Variants in MAP3K21 observed in about 807,000 individuals in gnomAD.
MAP3K21 encodes the protein mitogen-activated protein kinase kinase kinase MLK4.
A neutral mutation model predicts 86.1 loss-of-function variants in MAP3K21; 63 were observed. The observed-to-expected ratio is 0.73, with a 90% CI of 0.60 to 0.90. MAP3K21 has a LOEUF of 0.90. MAP3K21 is among the 40% of genes least tolerant of loss of function. The pLI is 0.00. For missense variants in MAP3K21, 1,220 were observed against 1,367.7 expected (o/e 0.89, Z 1.70); for synonymous variants, 558 against 564.8 (o/e 0.99, Z 0.17).
In MAP3K21 at chr1:233,354,906, A is replaced by G; in HGVS notation, c.1206A>G (p.Glu402=). The stretch of plus-strand genomic sequence containing the variant: ...TTCTCGAACAGTTGACTGCTATTGA[A>G]GGGGCAGTGATGACTGAGATGCCTC... The part of the protein sequence containing the change: ...ALILEQLTAI[E]GAVMTEMPQE... Residue 402 remains glutamate, a synonymous_variant, in exon 4 of 10, where the codon GAA becomes GAG. Transcript: ENST00000366624. 1 of 1,613,924 alleles carries G rather than the reference A, an allele frequency of 6.2e-7. No individual in the cohort carries two copies. The highest frequency in any genetic ancestry group is 8.5e-7 in the Non-Finnish European group (1 of 1,179,812).
chr1:233,328,062 A>T lies in MAP3K21; in HGVS notation c.34A>T (p.Thr12Ser). Residue 12 changes from threonine to serine, a missense_variant, in exon 1 of 10, where the codon ACC (threonine) becomes TCC (serine). This residue lies in a region of MAP3K21 where 369 missense variants were observed against 385.3 expected (regional missense o/e 0.96). Coordinates refer to ENST00000366624, the MANE Select transcript of MAP3K21 (RefSeq NM_032435.3). This position sits in a 1 kb window ranked among gnomAD's most constrained non-coding sequence, Gnocchi z 8.7. The stretch of plus-strand genomic sequence containing the variant: ...GCGGGGCGCCGCGGGAGCGACCGAC[A>T]CCCCGGTGTCCTCGGCCGGGGGAGC... Reference protein sequence around the residue: ...ALRGAAGATDTPVSSAGGAPG... With the variant: ...ALRGAAGATDSPVSSAGGAPG... The T allele has an allele frequency of 1.5e-6, 2 of 1,330,918 alleles. No individual in the cohort carries two copies. The highest frequency in any genetic ancestry group is 1.9e-6 in the Non-Finnish European group (2 of 1,047,428). The allele number at this position is 1,330,918 out of a possible 1,614,324, so 82.4% of individuals were successfully genotyped here. A position where few individuals can be genotyped will look rare whatever the true frequency, so the allele number is the denominator to read the frequency against.
intron 1 of MAP3K21, among the ~76,000 whole-genome samples, chr1:233,339,249 CTTCTTCTTCTTCTTCTTCCTCT>C (rs1558450762): frequency 8.0e-5 from 6 of 75,124 alleles, no homozygotes; most frequent in Admixed American, 1.6e-4. Flanking sequence ...TCTTCTTCTT[CTTCTTCTTCTTCTTCTTCCTCT>C]TCTTCTTCTT....
intron 4 of MAP3K21, among the ~76,000 whole-genome samples, chr1:233,358,144 T>C (rs944984874): frequency 1.3e-5 from 2 of 151,986 alleles, no homozygotes; most frequent in East Asian, 3.9e-4. Flanking sequence ...CTCCTCATCA[T>C]TGGAGCCATC....
intron 2 of MAP3K21, among the ~76,000 whole-genome samples, chr1:233,349,605 G>C (rs1301781529): frequency 6.6e-6 from 1 of 152,078 alleles, no homozygotes; most frequent in Non-Finnish European, 1.5e-5. Context: ...TCTCAAAATT[G>C]ATTTATTTAC....
At chr1:233,362,948 T>C (rs542811772) in intron 5 of MAP3K21, among the ~76,000 whole-genome samples, 1 of 152,316 alleles carries the variant, frequency 6.6e-6, no homozygotes, top group Non-Finnish European at 1.5e-5. Context: ...ATATAGATAT[T>C]ATTGACTGAT....
chr1:233,372,280 G>A (rs950147894), intron 6 of MAP3K21, 120 bp downstream of exon 6: 149 of 1,121,668 alleles, frequency 1.3e-4, no homozygotes, highest in Non-Finnish European at 1.6e-4. Context: ...AGGACATTTC[G>A]TAGGTGCCAC....
rs892226640 is a variant in MAP3K21, at chr1:233,383,936, T to G, written c.*1225T>G. ...AATTATCTATGAATCACTTTTATGG[T>G]CATACATATATGATACAAATCCAGA... On this transcript the variant is annotated 3_prime_UTR_variant, in exon 10 of 10. Coordinates refer to ENST00000366624, the MANE Select transcript of MAP3K21 (RefSeq NM_032435.3). The G allele has an allele frequency of 4.6e-5, 7 of 152,298 alleles. No homozygotes were observed. The highest frequency in any genetic ancestry group is 1.7e-4 in the African/African-American group (7 of 41,568). The allele number at this position is 152,298 out of a possible 1,614,324, so 9.4% of individuals were successfully genotyped here.
At chr1:233,362,728 ATTG>A (rs1171159537) in intron 5 of MAP3K21, among the ~76,000 whole-genome samples, 5 of 152,092 alleles carry the variant, frequency 3.3e-5, no homozygotes, top group African/African-American at 1.2e-4. Flanking sequence ...GGACACTGAT[ATTG>A]TTGTCAGCAC....
chr1:233,376,203 G>T (rs1663793519), intron 7 of MAP3K21, 137 bp downstream of exon 7: 2 of 792,392 alleles, frequency 2.5e-6, no homozygotes, highest in Non-Finnish European at 4.0e-6. Flanking sequence ...TTTCTAGGAT[G>T]AATTTATCAT....
Position 233,382,763 on chromosome 1 carries a change from A to T in MAP3K21, c.*52A>T. ...ATTTTTTTAAGGTGAACAAATGAAC[A>T]CAATGTATCTACCTTTGAACTGTTT... is the stretch of plus-strand genomic sequence containing the variant. On this transcript the variant is annotated 3_prime_UTR_variant, in exon 10 of 10. Coordinates refer to ENST00000366624, the MANE Select transcript of MAP3K21 (RefSeq NM_032435.3). 6.8e-7 allele frequency: 1 copy of T among 1,475,328 alleles called. No homozygotes were observed. The highest frequency in any genetic ancestry group is 9.4e-7 in the Non-Finnish European group (1 of 1,068,258). The allele number at this position is 1,475,328 out of a possible 1,614,324, so 91.4% of individuals were successfully genotyped here.
intron 1 of MAP3K21, among the ~76,000 whole-genome samples, chr1:233,341,725 T>C (rs1381241600): frequency 6.6e-5 from 10 of 152,202 alleles, no homozygotes; most frequent in Admixed American, 1.3e-4. Context: ...CAGCCCTTAC[T>C]TGGGGTCTGG....
At chr1:233,358,988 T>C (rs1441784914) in intron 4 of MAP3K21, among the ~76,000 whole-genome samples, 2 of 151,998 alleles carry the variant, frequency 1.3e-5, no homozygotes, top group Non-Finnish European at 2.9e-5. Context: ...TTTTTTTGTA[T>C]TTTTAGTAGA....
intron 1 of MAP3K21, among the ~76,000 whole-genome samples, chr1:233,329,401 C>G (rs995484852): frequency 1.3e-5 from 2 of 152,208 alleles, no homozygotes; most frequent in Admixed American, 1.3e-4. Context: ...TACCTGTAAT[C>G]CCAGCACTTT....
chr1:233,330,893 A>G (rs939810199), intron 1 of MAP3K21, among the ~76,000 whole-genome samples: 3 of 152,244 alleles, frequency 2.0e-5, no homozygotes, highest in African/African-American at 4.8e-5. Flanking sequence ...CATAGGATTT[A>G]TGGATCAATC....
At chr1:233,372,256 T>C in intron 6 of MAP3K21, 96 bp downstream of exon 6, 1 of 1,467,484 alleles carries the variant, frequency 6.8e-7, no homozygotes, top group Non-Finnish European at 9.4e-7. Flanking sequence ...TCATAGCAGG[T>C]TGTAGATGAG....
rs144712050 is a variant in MAP3K21, at chr1:233,335,587, A to C, written c.805+6754A>C. ...TGACTTGATCAAAGTCATTCAACCCATCAGAGGGGAGTGCTAAGAATTAAA... is the reference window on the plus strand; with the variant it reads ...TGACTTGATCAAAGTCATTCAACCCCTCAGAGGGGAGTGCTAAGAATTAAA... On this transcript the variant is annotated intron_variant, in intron 1 of 9. Transcript: ENST00000366624. Among the ~76,000 whole-genome samples, 578 of 152,158 alleles carry C rather than the reference A, an allele frequency of 3.8e-3. 3 individuals are homozygous for C. The highest frequency in any genetic ancestry group is 0.012 in the African/African-American group (513 of 41,516).
chr1:233,340,466 G>A (rs1663021460), intron 1 of MAP3K21, among the ~76,000 whole-genome samples: 1 of 152,132 alleles, frequency 6.6e-6, no homozygotes, highest in Admixed American at 6.5e-5. Context: ...TCATTCAGGA[G>A]AGTACAAAAG....
rs1017110121 is a variant in MAP3K21 at position 233,368,373 on chromosome 1, C to A, written c.1553-3665C>A. On this transcript the variant is annotated intron_variant, in intron 5 of 9. Transcript: ENST00000366624. ...GTCTTTCAAAAGGAATGACTTGGGG[C>A]TAGGTGCAGTGACTCACGCCTGTCA... Among the ~76,000 whole-genome samples, 13 of 152,238 alleles carry A rather than the reference C, an allele frequency of 8.5e-5. No individual in the cohort carries two copies. In the South Asian group the frequency reaches 2.7e-3, roughly 32 times the overall value.
intron 6 of MAP3K21, 78 bp downstream of exon 6, chr1:233,372,238 A>T (rs1174320244): frequency 1.3e-6 from 2 of 1,551,108 alleles, no homozygotes; most frequent in Non-Finnish European, 1.8e-6. Flanking sequence ...AATTGAGCAG[A>T]TGTGTTTTCA....
Sources: gnomAD v4.1 joint callset for allele counts (sites outside exome capture counted in the v4.1 genomes callset) on GRCh38, gnomAD v4.1.1 for gene constraint, gnomAD v4.1.1 regional missense constraint, Gnocchi (gnomAD v3.1) non-coding constraint, MANE v1.5 for transcripts, NCBI Gene and HGNC (gene_info 2026-07-23, HGNC 2026-07-21) for gene names.